Variants in RANBP2 observed in about 807,000 individuals in gnomAD.
The protein encoded by RANBP2 is E3 SUMO-protein ligase RanBP2.
RANBP2 carries 57 observed loss-of-function variants against 303.6 expected under a neutral mutation model. The ratio of observed to expected loss-of-function variants is 0.19; its 90% CI spans 0.15 to 0.23. The LOEUF (loss-of-function observed/expected upper bound fraction) is 0.23. Among genes scored for constraint, RANBP2 ranks in the 10% least tolerant of loss-of-function variants. The probability of loss-of-function intolerance (pLI) is 1.00; values close to 1 mark genes in which losing one functional copy is unlikely to be tolerated. For synonymous variants in RANBP2, 1,167 were observed against 1,301.5 expected, an observed-to-expected ratio of 0.90 and a Z score of 2.23; for missense variants, 3,138 against 3,780.8, an observed-to-expected ratio of 0.83 and a Z score of 4.46.
the RANBP2 span, among the ~76,000 whole-genome samples, chr2:108,814,112 A>G: frequency 6.6e-6 from 1 of 152,220 alleles, no homozygotes; most frequent in South Asian, 2.1e-4. Context: ...TACCAGGACT[A>G]CAATTTCTGG....
the RANBP2 span, among the ~76,000 whole-genome samples, chr2:109,197,017 T>A: frequency 6.6e-6 from 1 of 152,176 alleles, no homozygotes; most frequent in Non-Finnish European, 1.5e-5. Flanking sequence ...ACCATAGCCC[T>A]GTGAGTGGGT....
the RANBP2 span, chr2:108,882,445 T>A: frequency 1.3e-5 from 2 of 152,158 alleles, no homozygotes; most frequent in African/African-American, 4.8e-5. Flanking sequence ...AAGTGTCAGA[T>A]CCTTTTCTAT....
At chr2:108,856,871 T>C in the RANBP2 span, 2 of 1,613,154 alleles carry the variant, frequency 1.2e-6, no homozygotes, top group East Asian at 4.5e-5. Flanking sequence ...GTTTTTGGAG[T>C]ATCAGGCTGT....
At chr2:109,453,333 G>A in the RANBP2 span, among the ~76,000 whole-genome samples, 1 of 150,214 alleles carries the variant, frequency 6.7e-6, no homozygotes, top group African/African-American at 2.5e-5. Context: ...CTCAAATCTG[G>A]TTTTAAAAGG....
chr2:109,029,170 G>A, the RANBP2 span, among the ~76,000 whole-genome samples: 2 of 152,142 alleles, frequency 1.3e-5, 1 homozygote, highest in African/African-American at 4.8e-5. Flanking sequence ...TAAGGTTTAA[G>A]GCAAGATTAT....
chr2:109,323,386 G>T, the RANBP2 span, among the ~76,000 whole-genome samples: 3 of 152,164 alleles, frequency 2.0e-5, no homozygotes, highest in African/African-American at 7.2e-5. Flanking sequence ...ACCACAATGG[G>T]CATTTGTGTA....
chr2:109,614,920 A>G, the RANBP2 span: 40 of 1,475,486 alleles, frequency 2.7e-5, no homozygotes, highest in Non-Finnish European at 3.1e-5. Context: ...GCCCCCGCGC[A>G]CTGGCCGCCC....
At chr2:108,846,577 T>C in the RANBP2 span, 1 of 165,518 alleles carries the variant, frequency 6.0e-6, no homozygotes, top group African/African-American at 2.4e-5. Flanking sequence ...CTTGGGAGGC[T>C]GAGGTAGGAG....
At chr2:108,945,284 A>G in the RANBP2 span, among the ~76,000 whole-genome samples, 1 of 152,160 alleles carries the variant, frequency 6.6e-6, no homozygotes, top group Non-Finnish European at 1.5e-5. Context: ...ATCTTTAAAG[A>G]CATCTTTTAT....
chr2:109,763,448 A>G, the RANBP2 span, among the ~76,000 whole-genome samples: 1 of 150,176 alleles, frequency 6.7e-6, no homozygotes, highest in East Asian at 2.0e-4. Flanking sequence ...CTTCAAATCC[A>G]GTCAGACAAT....
chr2:109,474,103 G>A, the RANBP2 span, among the ~76,000 whole-genome samples: 3 of 152,136 alleles, frequency 2.0e-5, no homozygotes, highest in Admixed American at 6.5e-5. Flanking sequence ...AGTCTGGGCC[G>A]GGCTGAGGAA....
At chr2:109,251,010 TA>T in the RANBP2 span, among the ~76,000 whole-genome samples, 17 of 152,156 alleles carry the variant, frequency 1.1e-4, no homozygotes, top group African/African-American at 3.1e-4. Flanking sequence ...TTTATTTATT[TA>T]TTTTTTTTGA....
chr2:109,635,063 T>C, the RANBP2 span, among the ~76,000 whole-genome samples: 1 of 152,162 alleles, frequency 6.6e-6, no homozygotes, highest in Admixed American at 6.5e-5. Flanking sequence ...AATAATGTTT[T>C]GTCACTGACC....
At chr2:109,171,320 A>G in the RANBP2 span, among the ~76,000 whole-genome samples, 2 of 152,172 alleles carry the variant, frequency 1.3e-5, no homozygotes, top group African/African-American at 2.4e-5. Flanking sequence ...TTTCTTATCT[A>G]TAGCCTGTTA....
At chr2:109,624,803 G>A in the RANBP2 span, among the ~76,000 whole-genome samples, 7 of 152,110 alleles carry the variant, frequency 4.6e-5, no homozygotes, top group African/African-American at 1.2e-4. Flanking sequence ...GAATCTAGCC[G>A]GGCATGGTGG....
chr2:108,752,020 T>A (rs576434922), intron 12 of RANBP2, 26 bp downstream of exon 12: 24 of 1,610,802 alleles, frequency 1.5e-5, no homozygotes, highest in Middle Eastern at 2.3e-4. Flanking sequence ...TAAGCATTTT[T>A]AAAGAACATT....
At chr2:109,254,610 C>T in the RANBP2 span, among the ~76,000 whole-genome samples, 2 of 152,186 alleles carry the variant, frequency 1.3e-5, no homozygotes, top group East Asian at 1.9e-4. Context: ...CCCATGACCC[C>T]GTGAGAAGGT....
the RANBP2 span, among the ~76,000 whole-genome samples, chr2:108,870,720 C>G: frequency 6.6e-6 from 1 of 152,132 alleles, no homozygotes; most frequent in Admixed American, 6.5e-5. Context: ...TGAAATAAGC[C>G]AGGCACAAAA....
At chr2:108,790,288 T>C (rs1679692556), downstream of RANBP2, among the ~76,000 whole-genome samples, 1 of 152,158 alleles carries the variant, frequency 6.6e-6, no homozygotes, top group Non-Finnish European at 1.5e-5. Flanking sequence ...TTATGGAAAT[T>C]ATTTTCTTTT....
Sources: gnomAD v4.1 joint callset for allele counts (sites outside exome capture counted in the v4.1 genomes callset) on GRCh38, gnomAD v4.1.1 for gene constraint, MANE v1.5 for transcripts, NCBI Gene and HGNC (gene_info 2026-07-23, HGNC 2026-07-21) for gene names.